Variants in SOX5 observed in about 807,000 individuals in gnomAD.
SOX5 encodes transcription factor SOX-5.
A neutral mutation model predicts 92.0 loss-of-function variants in SOX5; 9 were observed. The ratio of observed to expected loss-of-function variants is 0.10; its 90% CI spans 0.06 to 0.17. The LOEUF (loss-of-function observed/expected upper bound fraction) is 0.17. Ranked by LOEUF, SOX5 falls within the 10% of genes least tolerant of loss-of-function variation. SOX5 has a pLI of 1.00. For synonymous variants in SOX5, 344 were observed against 336.3 expected (o/e 1.02, Z -0.25); for missense variants, 642 against 944.5 (o/e 0.68, Z 4.20).
At chr12:24,526,407 A>G (rs1353636785) in intron 1 of SOX5, among the ~76,000 whole-genome samples, 4 of 152,192 alleles carry the variant, frequency 2.6e-5, no homozygotes, top group Non-Finnish European at 5.9e-5. Context: ...CCCAGTACAC[A>G]TGGAAAACTC....
chr12:23,585,116 G>A (rs1029961446), intron 9 of SOX5, among the ~76,000 whole-genome samples: 3 of 151,974 alleles, frequency 2.0e-5, no homozygotes, highest in Non-Finnish European at 4.4e-5. Flanking sequence ...GGTTATTTAC[G>A]TTTACGTACA....
intron 1 of SOX5, among the ~76,000 whole-genome samples, chr12:24,454,127 C>A (rs1942710242): frequency 6.6e-6 from 1 of 152,078 alleles, no homozygotes; most frequent in Non-Finnish European, 1.5e-5. Flanking sequence ...ATTAATTTCC[C>A]ACCAAAAATG....
chr12:23,615,798 T>C (rs553979709), intron 8 of SOX5, among the ~76,000 whole-genome samples: 1 of 152,352 alleles, frequency 6.6e-6, no homozygotes, highest in Non-Finnish European at 1.5e-5. Context: ...CGTAATGTAT[T>C]TTACAAATTG....
chr12:24,230,253 A>G (rs1963086880), intron 3 of SOX5, among the ~76,000 whole-genome samples: 2 of 152,138 alleles, frequency 1.3e-5, no homozygotes, highest in East Asian at 3.9e-4. Flanking sequence ...CGCAAACTTT[A>G]AAGACTTCCC....
At chr12:23,997,706 A>G (rs1192263082) in intron 4 of SOX5, among the ~76,000 whole-genome samples, 1 of 152,230 alleles carries the variant, frequency 6.6e-6, no homozygotes, top group Non-Finnish European at 1.5e-5. Flanking sequence ...AGCAAACAAT[A>G]GAACTCTTCT....
chr12:23,561,790 G>A (rs1193570805), intron 11 of SOX5, among the ~76,000 whole-genome samples: 2 of 145,200 alleles, frequency 1.4e-5, no homozygotes. Flanking sequence ...GAGATAGGTA[G>A]AGTTGTCTCT....
chr12:24,209,310 G>T (rs1313748163), intron 4 of SOX5, among the ~76,000 whole-genome samples: 1 of 152,118 alleles, frequency 6.6e-6, no homozygotes, highest in Non-Finnish European at 1.5e-5. Context: ...ATGAATATGT[G>T]AAGTGGAAGT....
At chr12:23,731,731 T>C (rs1485344471) in intron 6 of SOX5, among the ~76,000 whole-genome samples, 1 of 152,190 alleles carries the variant, frequency 6.6e-6, no homozygotes, top group Non-Finnish European at 1.5e-5. Context: ...ATGTATTGGA[T>C]TCCTTTGCTA....
At chr12:23,601,499 AC>A (rs1167432989) in intron 9 of SOX5, among the ~76,000 whole-genome samples, 1 of 152,048 alleles carries the variant, frequency 6.6e-6, no homozygotes, top group Admixed American at 6.6e-5. Flanking sequence ...ACAACACAAA[AC>A]CCTTTAATAA....
intron 4 of SOX5, among the ~76,000 whole-genome samples, chr12:24,081,626 A>G (rs533168108): frequency 6.6e-6 from 1 of 152,088 alleles, no homozygotes; most frequent in Admixed American, 6.6e-5. Context: ...CTTCAAAAAC[A>G]TTTCAGAGCC....
At chr12:23,664,347 G>A (rs566911605) in intron 7 of SOX5, among the ~76,000 whole-genome samples, 1 of 149,352 alleles carries the variant, frequency 6.7e-6, no homozygotes, top group South Asian at 2.1e-4. Flanking sequence ...AAGCCAAAAT[G>A]CACTGGAATT....
At chr12:24,384,721 C>T (rs1045185083) in intron 1 of SOX5, among the ~76,000 whole-genome samples, 2 of 152,174 alleles carry the variant, frequency 1.3e-5, no homozygotes, top group Non-Finnish European at 2.9e-5. Context: ...AGGCTATGAA[C>T]TTTGTGGGTG....
chr12:24,491,641 G>A (rs1218157039), intron 1 of SOX5, among the ~76,000 whole-genome samples: 1 of 151,946 alleles, frequency 6.6e-6, no homozygotes, highest in Non-Finnish European at 1.5e-5. Flanking sequence ...AGAACAAGGA[G>A]ATAAAAAAAT....
At chr12:24,509,235 A>C (rs1949084167) in intron 1 of SOX5, among the ~76,000 whole-genome samples, 1 of 152,224 alleles carries the variant, frequency 6.6e-6, no homozygotes, top group South Asian at 2.1e-4. Context: ...CTACAAAAGC[A>C]AATCCTTTGG....
chr12:23,570,944 T>A (rs1192303204), intron 10 of SOX5, among the ~76,000 whole-genome samples: 464 of 6,728 alleles, frequency 0.069, 18 homozygotes, highest in Non-Finnish European at 0.11. Context: ...TATATATATA[T>A]ATATATATAT....
At chr12:24,328,690 T>G (rs1487018110) in intron 2 of SOX5, among the ~76,000 whole-genome samples, 1 of 152,238 alleles carries the variant, frequency 6.6e-6, no homozygotes, top group East Asian at 1.9e-4. Context: ...TCAAATTAAT[T>G]TTAAAGTAAC....
Position 23,546,407 on chromosome 12 carries a change from C to T in SOX5, c.1506G>A (p.Glu502=). ...CRTEKEKTTL[E]SLTQQLAVKQ... ...TAACTGCCAGTTGCTGAGTCAGACT[C>T]TCCAGTGTTGTTTTTTCCTTTAAAA... Residue 502 remains glutamate (E), a synonymous_variant, in exon 12 of 15, where the codon GAG becomes GAA. Coordinates refer to ENST00000451604, the MANE Select transcript of SOX5 (RefSeq NM_006940.6). 6.2e-7 allele frequency: 1 copy of T among 1,602,056 alleles called. No individual in the cohort carries two copies. The highest frequency in any genetic ancestry group is 8.5e-7 in the Non-Finnish European group (1 of 1,170,324).
intron 6 of SOX5, among the ~76,000 whole-genome samples, chr12:23,715,774 A>G (rs2092442406): frequency 6.7e-6 from 1 of 149,990 alleles, no homozygotes; most frequent in African/African-American, 2.5e-5. Context: ...AGAGAGGTCA[A>G]TAAATGATGT....
At chr12:24,446,989 TCAAA>T (rs1244486390) in intron 1 of SOX5, among the ~76,000 whole-genome samples, 1 of 152,034 alleles carries the variant, frequency 6.6e-6, no homozygotes, top group African/African-American at 2.4e-5. Context: ...AATCCAAGGA[TCAAA>T]CAAATATCCA....
Sources: gnomAD v4.1 joint callset for allele counts (sites outside exome capture counted in the v4.1 genomes callset) on GRCh38, gnomAD v4.1.1 for gene constraint, MANE v1.5 for transcripts, NCBI Gene and HGNC (gene_info 2026-07-23, HGNC 2026-07-21) for gene names.